FARSB: variants seen among roughly 807,000 people sequenced by gnomAD.
FARSB encodes phenylalanyl-tRNA synthetase subunit beta.
Under a neutral mutation model 69.6 loss-of-function variants are expected in FARSB, and 40 were observed. That is an observed-to-expected ratio of 0.57 (90% CI 0.45 to 0.75). The LOEUF (loss-of-function observed/expected upper bound fraction) is 0.75. Ranked by LOEUF, FARSB falls within the 30% of genes least tolerant of loss-of-function variation. FARSB has a pLI of 0.00. For synonymous variants in FARSB, 235 were observed against 247.2 expected, an observed-to-expected ratio of 0.95 and a Z score of 0.46; for missense variants, 632 against 722.9, an observed-to-expected ratio of 0.87 and a Z score of 1.44.
intron 2 of FARSB, chr2:222,644,649 G>A (rs538558159): frequency 9.4e-5 from 34 of 361,920 alleles, no homozygotes; most frequent in South Asian, 6.5e-4. Context: ...TATCCACAGG[G>A]GATATGTTTC....
rs531371046 is a variant in FARSB at position 222,628,773 on chromosome 2, T to A, written c.900+64A>T. The A allele has an allele frequency of 5.7e-5, 63 of 1,104,650 alleles. No homozygotes were observed. In the South Asian group the frequency reaches 8.0e-4, roughly 14 times the overall value. 68.4% of individuals were successfully genotyped at this position (1,104,650 alleles called of 1,614,324 possible). ...GATGGATAGACAGACAGAACATGAG[T>A]GCTCTATAGCCATTATTATTAGCAT... is the stretch of plus-strand genomic sequence containing the variant. On this transcript the variant is annotated intron_variant, in intron 10 of 16. Transcript: ENST00000281828.
intron 16 of FARSB, among the ~76,000 whole-genome samples, chr2:222,599,009 A>G (rs919285935): frequency 6.6e-6 from 1 of 152,032 alleles, no homozygotes; most frequent in Non-Finnish European, 1.5e-5. Context: ...GTTATTTTCA[A>G]AGGAGTCTCA....
At chr2:222,637,040 AAAG>A (rs1266837850) in intron 5 of FARSB, among the ~76,000 whole-genome samples, 7 of 152,226 alleles carry the variant, frequency 4.6e-5, no homozygotes, top group African/African-American at 1.4e-4. Context: ...TATCTGCAGA[AAAG>A]AAGGAACTAT....
chr2:222,581,243 G>A lies in FARSB; in HGVS notation c.1619-9221C>T, dbSNP rs188215605. ...TGAAGGTATTGGGAATACTTTAAAT[G>A]AATGTCAATCTGTTGGATTTCTGCA... is the stretch of plus-strand genomic sequence containing the variant. On this transcript the variant is annotated intron_variant, in intron 16 of 16. Transcript: ENST00000281828. 1.5e-3 allele frequency among the ~76,000 whole-genome samples: 235 copies of A among 152,328 alleles called. 1 individual carries two copies. The highest frequency in any genetic ancestry group is 0.013 in the Admixed American group (206 of 15,296).
In FARSB at chr2:222,610,651, T is replaced by C. The variant is rs369289605; in HGVS notation, c.1462+3160A>G. Among the ~76,000 whole-genome samples, 8 of 152,286 alleles carry C rather than the reference T, an allele frequency of 5.3e-5. No individual in the cohort carries two copies. In the East Asian group the frequency reaches 1.2e-3, roughly 22 times the overall value. On this transcript the variant is annotated intron_variant, in intron 15 of 16. Coordinates refer to ENST00000281828, the MANE Select transcript of FARSB (RefSeq NM_005687.5). ...GCTTTCAAGTCATTCTAGTAAAAAATTCCCATAAACCAGGATGCTAAATTA... is the reference window on the plus strand; with the variant it reads ...GCTTTCAAGTCATTCTAGTAAAAAACTCCCATAAACCAGGATGCTAAATTA...
At chr2:222,632,846 A>C (rs550399681) in intron 7 of FARSB, among the ~76,000 whole-genome samples, 1 of 151,940 alleles carries the variant, frequency 6.6e-6, no homozygotes, top group East Asian at 1.9e-4. Flanking sequence ...ACAACAAAAA[A>C]AAAAAACAAA....
rs78558146 is a variant in FARSB, at chr2:222,591,049, T to A, written c.1618+8879A>T. Among the ~76,000 whole-genome samples, 1,386 of 151,900 alleles carry A rather than the reference T, an allele frequency of 9.1e-3. 25 individuals carry two copies. The highest frequency in any genetic ancestry group is 0.032 in the African/African-American group (1,325 of 41,426). ...ACACTGGACATATCTACTTAAAAAA[T>A]AAAAGAATTAGCTGGGTGTGGTAGT... On this transcript the variant is annotated intron_variant, in intron 16 of 16. Transcript: ENST00000281828.
intron 1 of FARSB, 57 bp downstream of exon 1, chr2:222,655,955 TGGAG>T (rs1383375089): frequency 7.4e-7 from 1 of 1,359,356 alleles, no homozygotes; most frequent in Non-Finnish European, 1.0e-6. Flanking sequence ...ATTGCCCTTT[TGGAG>T]GGAGGCCCTG....
chr2:222,623,869 G>A (rs1027694317), intron 12 of FARSB, 139 bp from the exon 13 acceptor site: 5 of 637,394 alleles, frequency 7.8e-6, no homozygotes, highest in African/African-American at 7.4e-5. Context: ...CCTTACTAAC[G>A]TACTGCTAAT....
In FARSB at chr2:222,633,217, T is replaced by C. The variant is rs1408317944; in HGVS notation, c.697A>G (p.Met233Val). The change falls in exon 7 of 17, where the codon ATG (methionine) becomes GTG (valine). Residue 233 changes from methionine (M) to valine (V), a missense_variant. Coordinates refer to ENST00000281828, the MANE Select transcript of FARSB (RefSeq NM_005687.5). ...IYDSNGVVLS[M>V]PPIINGDHSR... The stretch of plus-strand genomic sequence containing the variant: ...AACTCACCATTGATGATGGGAGGCA[T>C]TGAAAGGACGACACCATTGCTATCA... 10 of 1,527,118 alleles carry C rather than the reference T, an allele frequency of 6.5e-6. No individual in the cohort carries two copies. Among genetic ancestry groups the C allele is most frequent in the Non-Finnish European group, 8.2e-6 (9 of 1,101,594 alleles). 94.6% of individuals were successfully genotyped at this position (1,527,118 alleles called of 1,614,324 possible). A position where few individuals can be genotyped will look rare whatever the true frequency, so the allele number is the denominator to read the frequency against.
chr2:222,619,777 ATTAC>A (rs776802764), intron 13 of FARSB, 40 bp from the exon 14 acceptor site: 6 of 1,107,052 alleles, frequency 5.4e-6, no homozygotes, highest in Admixed American at 5.3e-5. Context: ...TGGAAAAGCA[ATTAC>A]TTAAGTTTAA....
rs148390031 is a variant in FARSB, at chr2:222,653,507, A to G, written c.58+2509T>C. The stretch of plus-strand genomic sequence containing the variant: ...CATGTTTGCTGAACATGCTTTTTCA[A>G]TTCTGACCTCAACCCAGTTAACAGT... On this transcript the variant is annotated intron_variant, in intron 1 of 16. Coordinates refer to ENST00000281828, the MANE Select transcript of FARSB (RefSeq NM_005687.5). Among the ~76,000 whole-genome samples, 220 of 152,312 alleles carry G rather than the reference A, an allele frequency of 1.4e-3. 1 individual carries two copies. Among genetic ancestry groups the G allele is most frequent in the Admixed American group, 0.013 (193 of 15,294 alleles).
intron 8 of FARSB, among the ~76,000 whole-genome samples, chr2:222,630,761 C>T (rs144201458): frequency 2.6e-5 from 4 of 152,182 alleles, no homozygotes; most frequent in Non-Finnish European, 5.9e-5. Flanking sequence ...CCTATATATA[C>T]AGGCTTCAGG....
chr2:222,654,367 G>C (rs1259915734), intron 1 of FARSB, among the ~76,000 whole-genome samples: 1 of 152,124 alleles, frequency 6.6e-6, no homozygotes, highest in Non-Finnish European at 1.5e-5. Flanking sequence ...ATTAACTTCA[G>C]GCTATGCATA....
intron 14 of FARSB, among the ~76,000 whole-genome samples, chr2:222,614,984 G>C (rs1272595597): frequency 1.3e-5 from 2 of 152,012 alleles, no homozygotes; most frequent in Non-Finnish European, 2.9e-5. Context: ...AGCTGCTATG[G>C]GTAGGCTGTA....
chr2:222,624,861 A>G (rs1209591633), intron 10 of FARSB, 86 bp from the exon 11 acceptor site: 17 of 756,040 alleles, frequency 2.2e-5, no homozygotes, highest in Non-Finnish European at 3.7e-5. Context: ...TTGCAGTTCT[A>G]TTACGTTCCC....
At position 222,571,908 on chromosome 2, in the gene FARSB, C is replaced by A; in HGVS notation, c.1733G>T (p.Cys578Phe). 1 of 1,613,414 alleles carries A rather than the reference C, an allele frequency of 6.2e-7. No individual in the cohort carries two copies. The highest frequency in any genetic ancestry group is 8.5e-7 in the Non-Finnish European group (1 of 1,179,686). ...VITKFELTMP[C>F]SSLEINVGPF... ...TCCAACATTGATTTCTAGGGAGGAG[C>A]AGGGCATGGTCAGCTCAAATTTGGT... Residue 578 changes from cysteine (C) to phenylalanine (F), a missense_variant, in exon 17 of 17, where the codon TGC (cysteine) becomes TTC (phenylalanine). By Grantham distance (205) the Cys-to-Phe change is radical (BLOSUM62 -2). Transcript: ENST00000281828.
chr2:222,599,927 C>A lies in FARSB; in HGVS notation c.1618+1G>T, dbSNP rs760043036. ...CTCTGGATTCGGCTCATCTGTCTTA[C>A]CTTCTGATGCTTTGATCACATATCC... On this transcript the variant is annotated splice_donor_variant, in intron 16 of 16. Coordinates refer to ENST00000281828, the MANE Select transcript of FARSB (RefSeq NM_005687.5). LOFTEE classifies it high-confidence loss of function. The A allele has an allele frequency of 1.0e-5, 16 of 1,590,532 alleles. No homozygotes were observed. The highest frequency in any genetic ancestry group is 1.4e-5 in the Non-Finnish European group (16 of 1,173,830).
chr2:222,626,918 C>T (rs1691291534), intron 10 of FARSB, among the ~76,000 whole-genome samples: 1 of 152,054 alleles, frequency 6.6e-6, no homozygotes, highest in Non-Finnish European at 1.5e-5. Flanking sequence ...CGCCTGTAGT[C>T]CCAGCTACTC....
Sources: gnomAD v4.1 joint callset for allele counts (sites outside exome capture counted in the v4.1 genomes callset) on GRCh38, gnomAD v4.1.1 for gene constraint, MANE v1.5 for transcripts, NCBI Gene and HGNC (gene_info 2026-07-23, HGNC 2026-07-21) for gene names.